Variants in CLVS1 observed in about 807,000 individuals in gnomAD.
CLVS1 encodes clavesin-1.
CLVS1 carries 10 observed loss-of-function variants against 33.1 expected under a neutral mutation model. The ratio of observed to expected loss-of-function variants is 0.30; its 90% CI spans 0.19 to 0.51. The LOEUF is 0.51. CLVS1 is among the 20% of genes least tolerant of loss of function. The probability of loss-of-function intolerance (pLI) is 0.97; values close to 1 mark genes in which losing one functional copy is unlikely to be tolerated. For synonymous variants in CLVS1, 163 were observed against 166.1 expected (o/e 0.98, Z 0.14); for missense variants, 343 against 433.4 (o/e 0.79, Z 1.85).
At position 61,222,745 on chromosome 8, in the gene CLVS1, CTTG is replaced by C. The variant is rs530243779; in HGVS notation, c.-151-76928_-151-76926del. 3.3e-3 allele frequency among the ~76,000 whole-genome samples: 503 copies of C among 152,208 alleles called. 1 individual carries two copies. Among genetic ancestry groups the C allele is most frequent in the African/African-American group, 0.011 (467 of 41,528 alleles). On this transcript the variant is annotated intron_variant, in intron 2 of 2. Transcript: ENST00000522621. The stretch of plus-strand genomic sequence containing the variant: ...CTGAATATCCTTGTTAGTTTTCTGT[CTTG>C]TTGATCTGTCTAATACTGACAGTGG...
chr8:61,451,474 G>A (rs1439898191), intron 3 of CLVS1, among the ~76,000 whole-genome samples: 1 of 152,132 alleles, frequency 6.6e-6, no homozygotes, highest in Non-Finnish European at 1.5e-5. Flanking sequence ...TAAATGTACA[G>A]GATTAATGCC....
chr8:61,357,250 A>C lies in CLVS1; in HGVS notation c.456-19355A>C, dbSNP rs568070486. Among the ~76,000 whole-genome samples, 11 of 152,254 alleles carry C rather than the reference A, an allele frequency of 7.2e-5. No homozygotes were observed. The South Asian group carries it at 2.1e-3, about 29-fold the overall frequency. ...AATAGGCTAAGCCAAAATTTAAGAC[A>C]TTCTACAGGGCACATGGCATGGAAA... is the stretch of plus-strand genomic sequence containing the variant. On this transcript the variant is annotated intron_variant, in intron 2 of 5. Coordinates refer to ENST00000325897, the MANE Select transcript of CLVS1 (RefSeq NM_173519.3).
At chr8:61,097,853 C>T (rs1805380133) in intron 1 of CLVS1, among the ~76,000 whole-genome samples, 1 of 152,154 alleles carries the variant, frequency 6.6e-6, no homozygotes, top group Non-Finnish European at 1.5e-5. Flanking sequence ...AAGGGAACTT[C>T]TATAATCTAC....
chr8:61,100,879 C>T (rs1386564353), intron 1 of CLVS1, among the ~76,000 whole-genome samples: 1 of 152,070 alleles, frequency 6.6e-6, no homozygotes, highest in Non-Finnish European at 1.5e-5. Flanking sequence ...GAAGGTTGAT[C>T]CATGGTGTAG....
At chr8:61,348,582 C>T (rs1476869322) in intron 2 of CLVS1, among the ~76,000 whole-genome samples, 1 of 151,992 alleles carries the variant, frequency 6.6e-6, no homozygotes, top group Non-Finnish European at 1.5e-5. Context: ...ATAGTATTTC[C>T]TTGTGTAGAT....
the CLVS1 span, among the ~76,000 whole-genome samples, chr8:61,029,977 G>A: frequency 6.6e-6 from 1 of 152,342 alleles, no homozygotes; most frequent in Admixed American, 6.5e-5. Flanking sequence ...AAGTCGAGGT[G>A]TGTTGCATCT....
chr8:61,202,808 A>C (rs1280113431), intron 2 of CLVS1: 2 of 1,309,210 alleles, frequency 1.5e-6, no homozygotes, highest in African/African-American at 2.9e-5. Context: ...AAGCTTCCAC[A>C]GAAAAAAGTA....
intron 2 of CLVS1, among the ~76,000 whole-genome samples, chr8:61,353,041 T>C (rs1007793148): frequency 6.6e-6 from 1 of 152,030 alleles, no homozygotes; most frequent in Non-Finnish European, 1.5e-5. Flanking sequence ...AATGTGTGCA[T>C]ACATAAAAAG....
At chr8:60,989,977 T>G in the CLVS1 span, among the ~76,000 whole-genome samples, 3 of 151,552 alleles carry the variant, frequency 2.0e-5, no homozygotes, top group African/African-American at 7.3e-5. Context: ...TACAAAAAAT[T>G]AGCCTGGTGT....
intron 2 of CLVS1, among the ~76,000 whole-genome samples, chr8:61,137,402 G>A (rs56699308): frequency 0.53 from 80,958 of 151,960 alleles, 22,098 homozygotes; most frequent in East Asian, 0.72. Context: ...TTAGATATGG[G>A]ACCAAATCCA....
At chr8:61,119,292 A>AT (rs1440427597) in intron 1 of CLVS1, among the ~76,000 whole-genome samples, 7 of 151,920 alleles carry the variant, frequency 4.6e-5, no homozygotes, top group Non-Finnish European at 1.0e-4. Context: ...GGTTTCCTGA[A>AT]TACAGCACAC....
chr8:61,002,316 T>C, the CLVS1 span, among the ~76,000 whole-genome samples: 4 of 149,728 alleles, frequency 2.7e-5, 1 homozygote, highest in Admixed American at 2.7e-4. Flanking sequence ...CTAGTTCCTG[T>C]ATGCTTGCTT....
intron 2 of CLVS1, among the ~76,000 whole-genome samples, chr8:61,209,148 A>G (rs1807920932): frequency 6.6e-6 from 1 of 152,214 alleles, no homozygotes; most frequent in East Asian, 1.9e-4. Context: ...AACATTGACC[A>G]TATTTTCAAA....
At chr8:61,420,567 A>C (rs1563545592) in intron 3 of CLVS1, among the ~76,000 whole-genome samples, 2 of 152,028 alleles carry the variant, frequency 1.3e-5, no homozygotes, top group African/African-American at 4.8e-5. Context: ...GCACCACTGC[A>C]CTCCAGCCTG....
At chr8:61,248,800 C>A (rs1157207326) in intron 2 of CLVS1, among the ~76,000 whole-genome samples, 2 of 151,922 alleles carry the variant, frequency 1.3e-5, no homozygotes, top group Non-Finnish European at 2.9e-5. Context: ...TTATTAAAAC[C>A]CACAACCTGC....
intron 2 of CLVS1, among the ~76,000 whole-genome samples, chr8:61,178,720 A>G (rs535412827): frequency 3.6e-4 from 55 of 152,348 alleles, no homozygotes; most frequent in Non-Finnish European, 6.2e-4. Flanking sequence ...AGAATTTTCA[A>G]CACAGAATTT....
the CLVS1 span, among the ~76,000 whole-genome samples, chr8:61,045,710 G>A: frequency 2.6e-5 from 4 of 152,168 alleles, no homozygotes; most frequent in Admixed American, 6.5e-5. Context: ...GAGGAAATTC[G>A]TATATTCCAC....
chr8:61,122,586 A>T (rs1470464414), intron 1 of CLVS1, among the ~76,000 whole-genome samples: 1 of 149,974 alleles, frequency 6.7e-6, no homozygotes, highest in East Asian at 1.9e-4. Context: ...ACACACACAC[A>T]CACACACACA....
chr8:61,112,945 A>T (rs1805656049), intron 1 of CLVS1, among the ~76,000 whole-genome samples: 1 of 152,160 alleles, frequency 6.6e-6, no homozygotes, highest in African/African-American at 2.4e-5. Flanking sequence ...AAAGTTTTCG[A>T]TGCTTGGTGC....
Sources: gnomAD v4.1 joint callset for allele counts (sites outside exome capture counted in the v4.1 genomes callset) on GRCh38, gnomAD v4.1.1 for gene constraint, MANE v1.5 for transcripts, NCBI Gene and HGNC (gene_info 2026-07-23, HGNC 2026-07-21) for gene names.